The following CGREF1 variants were observed in gnomAD, a reference collection of about 807,000 sequenced individuals.
CGREF1 encodes the protein cell growth regulator with EF hand domain protein 1.
In CGREF1, 16 loss-of-function variants were observed where a neutral mutation model predicts 17.4. The ratio of observed to expected loss-of-function variants is 0.92; its 90% confidence interval spans 0.62 to 1.40. CGREF1 has a LOEUF of 1.40. Among genes scored for constraint, CGREF1 ranks in the 40% most tolerant of loss-of-function variants. The probability of loss-of-function intolerance (pLI) is 0.00; values close to 1 mark genes in which losing one functional copy is unlikely to be tolerated. For missense variants in CGREF1, 296 were observed against 376.4 expected (o/e 0.79, Z 1.77); for synonymous variants, 142 against 154.6 (o/e 0.92, Z 0.61).
downstream of CGREF1, chr2:27,099,408 G>A (rs374688541): frequency 2.5e-6 from 4 of 1,612,878 alleles, no homozygotes; most frequent in African/African-American, 4.0e-5. Flanking sequence ...GCTGAGTGGA[G>A]CCGTCTTGCA....
chr2:27,107,412 G>A lies in CGREF1; in HGVS notation c.-11-3035C>T, dbSNP rs187375597. Among the ~76,000 whole-genome samples the A allele has an allele frequency of 6.9e-3, 1,041 of 151,738 alleles. 11 individuals are homozygous for A. Among genetic ancestry groups the A allele is most frequent in the African/African-American group, 0.024 (989 of 41,372 alleles). On this transcript the variant is annotated intron_variant, in intron 1 of 5. Transcript: ENST00000402394. The stretch of plus-strand genomic sequence containing the variant: ...TGGGATTACAGGCATGTGCCACCAC[G>A]CCCTGCTAATTTTTGTATTTTTAGT...
intron 1 of CGREF1, chr2:27,104,860 C>T (rs1007152784): frequency 2.0e-5 from 27 of 1,370,982 alleles, no homozygotes; most frequent in Non-Finnish European, 2.6e-5. Context: ...TATTAAAAAC[C>T]CACTGAAGAA....
intron 1 of CGREF1, among the ~76,000 whole-genome samples, chr2:27,107,632 G>GT (rs1671175471): frequency 7.0e-6 from 1 of 142,550 alleles, no homozygotes. Flanking sequence ...GCAACAGTAT[G>GT]TTTTAAAAAA....
chr2:27,117,321 T>C (rs1014804369), intron 1 of CGREF1, among the ~76,000 whole-genome samples: 1 of 152,248 alleles, frequency 6.6e-6, no homozygotes, highest in Non-Finnish European at 1.5e-5. Context: ...GTTAGTGCGA[T>C]GTGTTGACAC....
chr2:27,102,058 G>GTCTCCTTTATGCGGGGA (rs770511486), intron 5 of CGREF1, 39 bp downstream of exon 5: 2 of 1,579,252 alleles, frequency 1.3e-6, no homozygotes, highest in East Asian at 4.5e-5. Flanking sequence ...AAAGTGCTGG[G>GTCTCCTTTATGCGGGGA]TCTCCTTTAT....
In CGREF1 at chr2:27,101,675, C is replaced by A; in HGVS notation, c.556G>T (p.Gly186Cys). The change falls in exon 6 of 6, where the codon GGT (glycine) becomes TGT (cysteine). Residue 186 changes from glycine to cysteine, a missense_variant. Coordinates refer to ENST00000402394, the MANE Select transcript of CGREF1 (RefSeq NM_006569.6). ...TGGCCCTTTGCTTCTTCTCTGGGAC[C>A]AGGGGCTTCCTGTGTTTCTTGTCTT... ...PLRQETQEAP[G>C]PREEAKGQVE... 1 of 1,614,248 alleles carries A rather than the reference C, an allele frequency of 6.2e-7. No individual in the cohort carries two copies. Among genetic ancestry groups the A allele is most frequent in the Non-Finnish European group, 8.5e-7 (1 of 1,180,052 alleles).
chr2:27,101,223 G>A lies in CGREF1; in HGVS notation c.*51C>T. The A allele has an allele frequency of 6.6e-7, 1 of 1,518,442 alleles. No homozygotes were observed. The highest frequency in any genetic ancestry group is 8.8e-7 in the Non-Finnish European group (1 of 1,134,662). The allele number at this position is 1,518,442 out of a possible 1,614,324, so 94.1% of individuals were successfully genotyped here. On this transcript the variant is annotated 3_prime_UTR_variant, in exon 6 of 6. Coordinates refer to ENST00000402394, the MANE Select transcript of CGREF1 (RefSeq NM_006569.6). ...GCGTACATTTCCCCTGCCCACTTCAGGGCTTATGTTCTGGCACTGAGACTT... is the reference window on the plus strand; with the variant it reads ...GCGTACATTTCCCCTGCCCACTTCAAGGCTTATGTTCTGGCACTGAGACTT...
In CGREF1 at chr2:27,101,016, C is replaced by T; in HGVS notation, c.*258G>A. 1 of 1,287,578 alleles carries T rather than the reference C, an allele frequency of 7.8e-7. No homozygotes were observed. The highest frequency in any genetic ancestry group is 9.8e-7 in the Non-Finnish European group (1 of 1,021,154). The allele number at this position is 1,287,578 out of a possible 1,614,324, so 79.8% of individuals were successfully genotyped here. A position where few individuals can be genotyped will look rare whatever the true frequency, so the allele number is the denominator to read the frequency against. On this transcript the variant is annotated 3_prime_UTR_variant, in exon 6 of 6. Coordinates refer to ENST00000402394, the MANE Select transcript of CGREF1 (RefSeq NM_006569.6). The stretch of plus-strand genomic sequence containing the variant: ...GGCGGCATCCCTGTCCTTTCGGTCC[C>T]CAACCCCGTTCCTCTGAGAGGGTCT...
chr2:27,100,708 A>C lies in CGREF1; in HGVS notation c.*566T>G. The stretch of plus-strand genomic sequence containing the variant: ...GGAACCAATTCTGCTTGGCTACAGA[A>C]TTATTGTGAGGATAAAATCATATAT... On this transcript the variant is annotated 3_prime_UTR_variant, in exon 6 of 6. Coordinates refer to ENST00000402394, the MANE Select transcript of CGREF1 (RefSeq NM_006569.6). The C allele has an allele frequency of 8.9e-7, 1 of 1,122,258 alleles. No individual in the cohort carries two copies. The highest frequency in any genetic ancestry group is 1.6e-5 in the African/African-American group (1 of 61,360). The allele number at this position is 1,122,258 out of a possible 1,614,324, so 69.5% of individuals were successfully genotyped here. A position where few individuals can be genotyped will look rare whatever the true frequency, so the allele number is the denominator to read the frequency against.
chr2:27,103,210 G>T, intron 2 of CGREF1: 1 of 666,120 alleles, frequency 1.5e-6, no homozygotes, highest in Non-Finnish European at 1.9e-6. Context: ...GAGTTGCAGC[G>T]ACTTTTGTCA....
chr2:27,107,403 T>C (rs1343414931), intron 1 of CGREF1, among the ~76,000 whole-genome samples: 3 of 151,894 alleles, frequency 2.0e-5, no homozygotes, highest in East Asian at 3.9e-4. Flanking sequence ...TACAGGCATG[T>C]GCCACCACGC....
At position 27,100,956 on chromosome 2, in the gene CGREF1, T is replaced by C. The variant is rs1274211582; in HGVS notation, c.*318A>G. On this transcript the variant is annotated 3_prime_UTR_variant, in exon 6 of 6. Transcript: ENST00000402394. ...CCATGGCTAGCACCATGCGCTCTGC[T>C]GCCGGAGCACCGTGAGGCCCAGAAA... The C allele has an allele frequency of 2.6e-6, 3 of 1,150,190 alleles. No homozygotes were observed. Among genetic ancestry groups the C allele is most frequent in the Non-Finnish European group, 2.1e-6 (2 of 934,400 alleles). 71.2% of individuals were successfully genotyped at this position (1,150,190 alleles called of 1,614,324 possible). A position where few individuals can be genotyped will look rare whatever the true frequency, so the allele number is the denominator to read the frequency against.
downstream of CGREF1, chr2:27,099,491 CG>C (rs776125990): frequency 3.7e-6 from 6 of 1,614,142 alleles, no homozygotes; most frequent in Non-Finnish European, 5.1e-6. Flanking sequence ...TTGCTCCACT[CG>C]GATGCTTTCC....
Position 27,116,923 on chromosome 2 carries a change from CTT to C in CGREF1, c.-12+1921_-12+1922del, listed in dbSNP as rs56355405. Among the ~76,000 whole-genome samples the C allele has an allele frequency of 6.6e-3, 352 of 52,962 alleles. 3 individuals are homozygous for C. The highest frequency in any genetic ancestry group is 0.028 in the African/African-American group (290 of 10,258). 34.7% of individuals were successfully genotyped at this position (52,962 alleles called of 152,430 possible). A position where few individuals can be genotyped will look rare whatever the true frequency, so the allele number is the denominator to read the frequency against. On this transcript the variant is annotated intron_variant, in intron 1 of 5. Transcript: ENST00000402394. ...TCTCTCTCTCTCTCTCTCTCTCTCT[CTT>C]TTTTTGAGACAGAGTCTCGCTCTGT...
rs1424328187 is a variant in CGREF1 at position 27,119,070 on chromosome 2, C to T, written c.-236G>A. 2 of 152,638 alleles carry T rather than the reference C, an allele frequency of 1.3e-5. No individual in the cohort carries two copies. The highest frequency in any genetic ancestry group is 3.9e-4 in the East Asian group (2 of 5,176). The allele number at this position is 152,638 out of a possible 1,614,324, so 9.5% of individuals were successfully genotyped here. A position where few individuals can be genotyped will look rare whatever the true frequency, so the allele number is the denominator to read the frequency against. On this transcript the variant is annotated 5_prime_UTR_variant, in exon 1 of 6. Transcript: ENST00000402394. This position sits in a 1 kb window ranked among gnomAD's most constrained non-coding sequence, Gnocchi z 5.6. ...CTGGCCCTTCGCAGCTCCACCAGCG[C>T]CCCCGCTGCGCCCGCGGCCGGAGGG...
In CGREF1 at chr2:27,111,504, C is replaced by T. The variant is rs536528624; in HGVS notation, c.-11-7127G>A. On this transcript the variant is annotated intron_variant, in intron 1 of 5. Transcript: ENST00000402394. ...GTGGAGCTGCCTGTCAGTCCCACACCCTGCGCCCGCACTCCTCAGCCCTTG... is the reference window on the plus strand; with the variant it reads ...GTGGAGCTGCCTGTCAGTCCCACACTCTGCGCCCGCACTCCTCAGCCCTTG... Among the ~76,000 whole-genome samples the T allele has an allele frequency of 3.9e-5, 6 of 152,356 alleles. No individual in the cohort carries two copies. In the South Asian group the frequency reaches 1.2e-3, roughly 32 times the overall value.
Position 27,118,941 on chromosome 2 carries a change from GGGCCGCTCCACGT to G in CGREF1, c.-120_-108del, listed in dbSNP as rs1216631858. On this transcript the variant is annotated 5_prime_UTR_variant, in exon 1 of 6. Coordinates refer to ENST00000402394, the MANE Select transcript of CGREF1 (RefSeq NM_006569.6). ...TCGCCTCCCGCCGCCAGCCTCCCCC[GGGCCGCTCCACGT>G]GGCCGCTCCACGTCGCCCTCCCGGC... The G allele has an allele frequency of 3.3e-5, 5 of 152,224 alleles. No individual in the cohort carries two copies. The highest frequency in any genetic ancestry group is 7.3e-5 in the Non-Finnish European group (5 of 68,106). The allele number at this position is 152,224 out of a possible 1,614,324, so 9.4% of individuals were successfully genotyped here. A position where few individuals can be genotyped will look rare whatever the true frequency, so the allele number is the denominator to read the frequency against.
intron 1 of CGREF1, among the ~76,000 whole-genome samples, chr2:27,112,205 G>A (rs537145478): frequency 5.1e-4 from 77 of 152,328 alleles, no homozygotes; most frequent in Non-Finnish European, 9.1e-4. Context: ...GAGCCCAGGA[G>A]GTTGAGACTG....
chr2:27,099,417 C>A, downstream of CGREF1: 1 of 1,613,704 alleles, frequency 6.2e-7, no homozygotes, highest in Non-Finnish European at 8.5e-7. Flanking sequence ...AGCCGTCTTG[C>A]AGGGCTGTGC....
Sources: allele counts gnomAD v4.1 joint callset (sites outside exome capture counted in the v4.1 genomes callset), GRCh38; gene constraint gnomAD v4.1.1; non-coding constraint Gnocchi (gnomAD v3.1); transcripts MANE v1.5; gene names NCBI Gene and HGNC (gene_info 2026-07-23, HGNC 2026-07-21).